Variants in TEAD1 observed in about 807,000 individuals in gnomAD.
The protein encoded by TEAD1 is transcriptional enhancer factor TEF-1.
TEAD1 carries 9 observed loss-of-function variants against 54.9 expected under a neutral mutation model. The observed-to-expected ratio is 0.16, with a 90% CI of 0.10 to 0.29. The LOEUF is 0.29. Among genes scored for constraint, TEAD1 ranks in the 10% least tolerant of loss-of-function variants. The probability of loss-of-function intolerance (pLI) is 1.00; values close to 1 mark genes in which losing one functional copy is unlikely to be tolerated. For synonymous variants in TEAD1, 200 were observed against 187.8 expected, an observed-to-expected ratio of 1.07 and a Z score of -0.53; for missense variants, 387 against 535.9, an observed-to-expected ratio of 0.72 and a Z score of 2.74.
At chr11:12,883,485 A>G (rs1948014508) in intron 9 of TEAD1, among the ~76,000 whole-genome samples, 1 of 152,138 alleles carries the variant, frequency 6.6e-6, no homozygotes, top group South Asian at 2.1e-4. Context: ...ATTTAGATAT[A>G]TGATCACAAT....
intron 3 of TEAD1, among the ~76,000 whole-genome samples, chr11:12,837,939 G>A (rs1454478800): frequency 2.0e-5 from 3 of 151,444 alleles, no homozygotes; most frequent in Non-Finnish European, 4.4e-5. Context: ...AGCAGCTGGT[G>A]CCTGCCACCA....
intron 2 of TEAD1, among the ~76,000 whole-genome samples, chr11:12,706,311 T>C (rs1322908975): frequency 1.3e-5 from 2 of 152,220 alleles, no homozygotes; most frequent in African/African-American, 2.4e-5. Flanking sequence ...AGAAGTTTCC[T>C]GTTGCACTTC....
intron 3 of TEAD1, among the ~76,000 whole-genome samples, chr11:12,792,362 A>AAAC: frequency 6.6e-6 from 1 of 151,482 alleles, no homozygotes; most frequent in South Asian, 2.1e-4. Context: ...TAGTAAAAAA[A>AAAC]AAAAAAAAAA....
chr11:12,872,138 C>G (rs1278249757), intron 5 of TEAD1, among the ~76,000 whole-genome samples: 1 of 152,222 alleles, frequency 6.6e-6, no homozygotes, highest in Non-Finnish European at 1.5e-5. Context: ...TCAAGAACTT[C>G]ACTGGGGCAT....
chr11:12,684,704 C>T (rs1564906134), intron 2 of TEAD1, among the ~76,000 whole-genome samples: 1 of 152,102 alleles, frequency 6.6e-6, no homozygotes, highest in Non-Finnish European at 1.5e-5. Context: ...GCTCGGTAGG[C>T]TAGAGCTGTA....
intron 10 of TEAD1, chr11:12,922,965 A>G (rs1480788900): frequency 6.6e-6 from 1 of 151,338 alleles, no homozygotes; most frequent in Admixed American, 6.6e-5. Context: ...AAACCGCACA[A>G]AATATAAAAT....
chr11:12,886,534 A>G (rs1346812572), intron 9 of TEAD1, among the ~76,000 whole-genome samples: 1 of 152,234 alleles, frequency 6.6e-6, no homozygotes, highest in African/African-American at 2.4e-5. Context: ...GCAGTGAACA[A>G]AACAAAGTTC....
At chr11:12,721,706 A>G (rs1171760910) in intron 2 of TEAD1, among the ~76,000 whole-genome samples, 1 of 152,212 alleles carries the variant, frequency 6.6e-6, no homozygotes. Context: ...AGAAAAAAAA[A>G]GTCTGGAAAA....
At chr11:12,855,314 G>A (rs543794570) in intron 3 of TEAD1, among the ~76,000 whole-genome samples, 17 of 150,394 alleles carry the variant, frequency 1.1e-4, no homozygotes, top group South Asian at 4.2e-4. Context: ...TTGTTGAGAC[G>A]GAGTCTCGCT....
chr11:12,933,639 G>A lies in TEAD1; in HGVS notation c.1167+3313G>A, dbSNP rs143709148. On this transcript the variant is annotated intron_variant, in intron 12 of 12. Transcript: ENST00000527636. ...CAGTGTGGAATCGCAGATTGGGAGGGCCAACTGTATTCTTATTTAATAGAA... is the reference window on the plus strand; with the variant it reads ...CAGTGTGGAATCGCAGATTGGGAGGACCAACTGTATTCTTATTTAATAGAA... Among the ~76,000 whole-genome samples, 698 of 152,202 alleles carry A rather than the reference G, an allele frequency of 4.6e-3. 5 individuals carry two copies. The highest frequency in any genetic ancestry group is 0.016 in the African/African-American group (667 of 41,514).
At position 12,930,314 on chromosome 11, in the gene TEAD1, C is replaced by T. The variant is rs754387500; in HGVS notation, c.1155C>T (p.Phe385=). ...TGATGAACAGTGTTTTGGAAAACTT[C>T]ACAATTTTATTGGTAATGGTTTTGT... Residue 385 remains phenylalanine, a synonymous_variant, in exon 12 of 13, where the codon TTC becomes TTT. Coordinates refer to ENST00000527636, the MANE Select transcript of TEAD1 (RefSeq NM_021961.6). 1 of 1,614,186 alleles carries T rather than the reference C, an allele frequency of 6.2e-7. No individual in the cohort carries two copies. The highest frequency in any genetic ancestry group is 1.1e-5 in the South Asian group (1 of 91,076).
At position 12,871,066 on chromosome 11, in the gene TEAD1, C is replaced by G. The variant is rs142604295; in HGVS notation, c.330+6166C>G. On this transcript the variant is annotated intron_variant, in intron 5 of 12. Transcript: ENST00000527636. ...CAAGGGGGTAGGTTTTATAGATGACCCACAGCCTGTAGCTGGGCCTGAGTC... is the reference window on the plus strand; with the variant it reads ...CAAGGGGGTAGGTTTTATAGATGACGCACAGCCTGTAGCTGGGCCTGAGTC... Among the ~76,000 whole-genome samples, 1,233 of 152,204 alleles carry G rather than the reference C, an allele frequency of 8.1e-3. 16 individuals carry two copies. Among genetic ancestry groups the G allele is most frequent in the African/African-American group, 0.028 (1,164 of 41,516 alleles).
intron 12 of TEAD1, among the ~76,000 whole-genome samples, chr11:12,932,415 G>GC (rs970899625): frequency 4.4e-4 from 43 of 98,682 alleles, no homozygotes; most frequent in Non-Finnish European, 2.5e-4. Context: ...TGCCTCTCTT[G>GC]GGGGGGAGTC....
intron 5 of TEAD1, among the ~76,000 whole-genome samples, chr11:12,873,212 C>T (rs572547731): frequency 1.3e-5 from 2 of 152,324 alleles, no homozygotes; most frequent in Admixed American, 1.3e-4. Context: ...TAACTTGAGC[C>T]TGGAGCCAGT....
At chr11:12,706,680 G>T (rs1033495112) in intron 2 of TEAD1, among the ~76,000 whole-genome samples, 2 of 152,168 alleles carry the variant, frequency 1.3e-5, no homozygotes, top group Non-Finnish European at 2.9e-5. Context: ...TTGTCACTGA[G>T]CTCTTTTCTT....
intron 3 of TEAD1, chr11:12,823,653 A>G (rs574214471): frequency 2.6e-5 from 4 of 152,344 alleles, no homozygotes; most frequent in African/African-American, 9.6e-5. Context: ...CTGATAATGC[A>G]CCAACCTTTG....
At chr11:12,767,004 T>C (rs1016270602) in intron 3 of TEAD1, among the ~76,000 whole-genome samples, 1 of 152,062 alleles carries the variant, frequency 6.6e-6, no homozygotes, top group Admixed American at 6.5e-5. Flanking sequence ...CATGAGGAGC[T>C]TTGCTTCTAC....
intron 2 of TEAD1, among the ~76,000 whole-genome samples, chr11:12,725,462 G>T (rs955350771): frequency 6.6e-6 from 1 of 152,160 alleles, no homozygotes; most frequent in Non-Finnish European, 1.5e-5. Flanking sequence ...GTAACTAAAA[G>T]AAAGGACTTG....
At chr11:12,793,323 C>G (rs950212754) in intron 3 of TEAD1, among the ~76,000 whole-genome samples, 1 of 151,990 alleles carries the variant, frequency 6.6e-6, no homozygotes, top group Non-Finnish European at 1.5e-5. Context: ...ATAATATTTC[C>G]AAATACCAAT....
Sources: allele counts gnomAD v4.1 joint callset (sites outside exome capture counted in the v4.1 genomes callset), GRCh38; gene constraint gnomAD v4.1.1; transcripts MANE v1.5; gene names NCBI Gene and HGNC (gene_info 2026-07-23, HGNC 2026-07-21).